Variants in FNBP1L observed in about 807,000 individuals in gnomAD.
The protein encoded by FNBP1L is formin-binding protein 1-like.
A neutral mutation model predicts 91.2 loss-of-function variants in FNBP1L; 36 were observed. The ratio of observed to expected loss-of-function variants is 0.39; its 90% CI spans 0.30 to 0.52. The LOEUF (loss-of-function observed/expected upper bound fraction) is 0.52. FNBP1L is among the 20% of genes least tolerant of loss of function. The pLI is 0.66. For missense variants in FNBP1L, 571 were observed against 732.1 expected (o/e 0.78, Z 2.54); for synonymous variants, 242 against 237.0 (o/e 1.02, Z -0.19).
At chr1:93,489,366 G>A (rs1012990335) in intron 1 of FNBP1L, among the ~76,000 whole-genome samples, 4 of 152,192 alleles carry the variant, frequency 2.6e-5, no homozygotes, top group African/African-American at 9.6e-5. Context: ...TGGACTTGGG[G>A]TATTTCAGGG....
chr1:93,509,924 C>T (rs1670762817), intron 2 of FNBP1L, among the ~76,000 whole-genome samples: 1 of 152,200 alleles, frequency 6.6e-6, no homozygotes, highest in Non-Finnish European at 1.5e-5. Flanking sequence ...AATGGCGCAC[C>T]AGGAGATTAT....
chr1:93,457,708 A>G (rs955388794), intron 1 of FNBP1L, among the ~76,000 whole-genome samples: 2 of 151,836 alleles, frequency 1.3e-5, no homozygotes, highest in Non-Finnish European at 2.9e-5. Flanking sequence ...TAGTTGACCC[A>G]GATAACTTAG....
intron 4 of FNBP1L, 102 bp from the exon 5 acceptor site, chr1:93,524,159 C>A: frequency 1.1e-6 from 1 of 885,222 alleles, no homozygotes; most frequent in Non-Finnish European, 1.6e-6. Context: ...AGTGAAAAGC[C>A]TTTTGGGGAC....
intron 1 of FNBP1L, among the ~76,000 whole-genome samples, 187 bp downstream of exon 1, chr1:93,448,492 G>A (rs944803735): frequency 1.3e-5 from 2 of 152,188 alleles, no homozygotes; most frequent in East Asian, 3.9e-4. Context: ...GGGTCTAGGG[G>A]GCCGCTAGTC....
intron 2 of FNBP1L, among the ~76,000 whole-genome samples, chr1:93,507,133 TCTCTCTCTCTCTC>T: frequency 1.7e-4 from 25 of 148,556 alleles, no homozygotes; most frequent in African/African-American, 5.5e-4. Flanking sequence ...TCTCTCTCTC[TCTCTCTCTCTCTC>T]TCTCTTTCTC....
At chr1:93,449,520 TTTC>T (rs1217038258) in intron 1 of FNBP1L, among the ~76,000 whole-genome samples, 3 of 152,132 alleles carry the variant, frequency 2.0e-5, no homozygotes, top group Non-Finnish European at 4.4e-5. Context: ...GGCAAAATGT[TTTC>T]TTATTTTTCA....
chr1:93,524,563 T>A (rs1671435665), intron 5 of FNBP1L, among the ~76,000 whole-genome samples: 1 of 150,586 alleles, frequency 6.6e-6, no homozygotes, highest in Admixed American at 6.6e-5. Flanking sequence ...TCAATCATTG[T>A]GAACATTTAA....
At chr1:93,452,656 T>C (rs1010064117) in intron 1 of FNBP1L, among the ~76,000 whole-genome samples, 1 of 152,226 alleles carries the variant, frequency 6.6e-6, no homozygotes, top group African/African-American at 2.4e-5. Flanking sequence ...TTGAACTCTG[T>C]GCTCCACAAT....
At chr1:93,549,511 T>C (rs1672339793) in intron 15 of FNBP1L, 85 bp downstream of exon 15, 7 of 1,060,886 alleles carry the variant, frequency 6.6e-6, no homozygotes, top group Admixed American at 3.4e-5. Context: ...AGTATCCTTA[T>C]TTAAGTAATA....
intron 9 of FNBP1L, 108 bp from the exon 10 acceptor site, chr1:93,536,224 T>C: frequency 5.5e-6 from 4 of 726,320 alleles, no homozygotes; most frequent in Non-Finnish European, 7.9e-6. Context: ...CAGAAAACTT[T>C]ATTTGAGATA....
At chr1:93,497,241 C>T (rs758836476) in intron 1 of FNBP1L, among the ~76,000 whole-genome samples, 3 of 152,088 alleles carry the variant, frequency 2.0e-5, no homozygotes, top group Non-Finnish European at 2.9e-5. Flanking sequence ...GGATTACAGG[C>T]GTGAGCCAGT....
intron 1 of FNBP1L, among the ~76,000 whole-genome samples, chr1:93,483,032 AAC>A (rs1669768391): frequency 6.7e-6 from 1 of 148,558 alleles, no homozygotes; most frequent in African/African-American, 2.4e-5. Context: ...AAACAAAAAA[AAC>A]AAAAAACAAA....
rs550676672 is a variant in FNBP1L, at chr1:93,514,136, A to T, written c.141-7946A>T. 1.4e-4 allele frequency among the ~76,000 whole-genome samples: 22 copies of T among 152,280 alleles called. 2 individuals carry two copies. The highest frequency in any genetic ancestry group is 1.4e-3 in the Admixed American group (22 of 15,306). On this transcript the variant is annotated intron_variant, in intron 2 of 16. Transcript: ENST00000271234. ...TCTTATACACCAACAACAGACAGAG[A>T]GCCAAATCATGAGTGAACTCCCATT...
chr1:93,484,646 G>A (rs60822733), intron 1 of FNBP1L, among the ~76,000 whole-genome samples: 1 of 152,126 alleles, frequency 6.6e-6, no homozygotes, highest in East Asian at 1.9e-4. Context: ...AGTAGTCTAG[G>A]TTGGTAGGTA....
intron 1 of FNBP1L, among the ~76,000 whole-genome samples, chr1:93,466,364 G>A (rs576380951): frequency 4.6e-5 from 7 of 152,122 alleles, no homozygotes; most frequent in Admixed American, 1.3e-4. Context: ...AATCCATCTC[G>A]GATTAATTTT....
At chr1:93,504,965 C>T (rs1482319427) in intron 2 of FNBP1L, among the ~76,000 whole-genome samples, 1 of 151,420 alleles carries the variant, frequency 6.6e-6, no homozygotes, top group Non-Finnish European at 1.5e-5. Context: ...ATTTTTTTTG[C>T]CTTTTTGTGT....
chr1:93,487,416 C>A (rs765775663), intron 1 of FNBP1L, among the ~76,000 whole-genome samples: 1 of 152,184 alleles, frequency 6.6e-6, no homozygotes, highest in Middle Eastern at 3.2e-3. Context: ...TCAACTCTTA[C>A]AGTCTGAAAT....
intron 11 of FNBP1L, 140 bp from the exon 12 acceptor site, chr1:93,543,967 C>CTT (rs528425418): frequency 2.7e-4 from 124 of 459,040 alleles, no homozygotes; most frequent in Non-Finnish European, 3.3e-4. Flanking sequence ...GTGTAGATTT[C>CTT]TTTTTTTTTT....
chr1:93,526,606 A>G (rs1157972768), intron 5 of FNBP1L, among the ~76,000 whole-genome samples: 2 of 152,130 alleles, frequency 1.3e-5, no homozygotes, highest in African/African-American at 2.4e-5. Context: ...GAGAGCAAGT[A>G]TTAGCTGTTT....
Sources: allele counts gnomAD v4.1 joint callset (sites outside exome capture counted in the v4.1 genomes callset), GRCh38; gene constraint gnomAD v4.1.1; transcripts MANE v1.5; gene names NCBI Gene and HGNC (gene_info 2026-07-23, HGNC 2026-07-21).